OPCML: variants seen among roughly 807,000 people sequenced by gnomAD.
OPCML encodes opioid binding protein/cell adhesion molecule like, also known as opioid-binding protein/cell adhesion molecule.
A neutral mutation model predicts 37.8 loss-of-function variants in OPCML; 13 were observed. The ratio of observed to expected loss-of-function variants is 0.34; its 90% CI spans 0.22 to 0.55. OPCML has a LOEUF of 0.55. Ranked by LOEUF, OPCML falls within the 20% of genes least tolerant of loss-of-function variation. The pLI is 0.91. For missense variants in OPCML, 341 were observed against 435.6 expected, an observed-to-expected ratio of 0.78 and a Z score of 1.93; for synonymous variants, 176 against 168.8, an observed-to-expected ratio of 1.04 and a Z score of -0.33.
At chr11:132,530,456 G>T (rs1405690886) in intron 3 of OPCML, among the ~76,000 whole-genome samples, 1 of 151,598 alleles carries the variant, frequency 6.6e-6, no homozygotes, top group African/African-American at 2.4e-5. Flanking sequence ...TTCCATTTTG[G>T]GGTCCCTCCA....
intron 1 of OPCML, among the ~76,000 whole-genome samples, chr11:133,390,468 AAACAACAAC>A (rs377064190): frequency 2.0e-5 from 3 of 151,802 alleles, no homozygotes; most frequent in Non-Finnish European, 4.4e-5. Flanking sequence ...ATCTCAACAA[AAACAACAAC>A]AACGACAACA....
At chr11:132,836,465 G>T (rs755323899) in intron 2 of OPCML, among the ~76,000 whole-genome samples, 1 of 152,094 alleles carries the variant, frequency 6.6e-6, no homozygotes, top group Admixed American at 6.5e-5. Flanking sequence ...TATATGATAT[G>T]TGCATATGAG....
At chr11:133,015,768 C>G (rs1422471416) in intron 1 of OPCML, among the ~76,000 whole-genome samples, 3 of 152,156 alleles carry the variant, frequency 2.0e-5, no homozygotes, top group Admixed American at 6.5e-5. Flanking sequence ...CCAGCTGCAA[C>G]TGATCTTGGC....
chr11:133,514,305 T>C (rs1245579537), intron 1 of OPCML, among the ~76,000 whole-genome samples: 1 of 152,226 alleles, frequency 6.6e-6, no homozygotes, highest in African/African-American at 2.4e-5. Context: ...TCCCTAGTTT[T>C]GGAGCTTTGG....
chr11:132,485,272 T>C (rs1258791505), intron 4 of OPCML, among the ~76,000 whole-genome samples: 2 of 152,128 alleles, frequency 1.3e-5, no homozygotes, highest in South Asian at 2.1e-4. Context: ...AAATAAGTGT[T>C]TATGACAGTC....
intron 1 of OPCML, chr11:133,422,243 G>A (rs1201048537): frequency 7.5e-5 from 74 of 984,632 alleles, no homozygotes; most frequent in Non-Finnish European, 8.8e-5. Context: ...CCTGTACCAG[G>A]GATCTGAGTT....
chr11:133,180,040 C>T (rs1176620134), intron 1 of OPCML, among the ~76,000 whole-genome samples: 1 of 152,146 alleles, frequency 6.6e-6, no homozygotes, highest in Non-Finnish European at 1.5e-5. Flanking sequence ...TGGTCCCTGA[C>T]CCTGCTTAAG....
chr11:132,628,757 GA>G (rs935657909), intron 3 of OPCML, among the ~76,000 whole-genome samples: 4 of 152,152 alleles, frequency 2.6e-5, no homozygotes, highest in African/African-American at 4.8e-5. Context: ...GTAATTGAAT[GA>G]GGGGGGGCAG....
At chr11:133,328,018 C>T (rs1241005452) in intron 1 of OPCML, among the ~76,000 whole-genome samples, 1 of 152,182 alleles carries the variant, frequency 6.6e-6, no homozygotes, top group Non-Finnish European at 1.5e-5. Context: ...TTCTTAACTC[C>T]TATGCTTACT....
chr11:133,421,837 C>T lies in OPCML; in HGVS notation c.61+110427G>A, dbSNP rs148076380. On this transcript the variant is annotated intron_variant, in intron 1 of 7. Coordinates refer to ENST00000524381, the MANE Select transcript of OPCML (RefSeq NM_001012393.5). ...CAGGCACCACAGAGCAGAAACAAGC[C>T]ATCCCTACTGTAACCTCTCGGAATT... is the stretch of plus-strand genomic sequence containing the variant. 35 of 891,176 alleles carry T rather than the reference C, an allele frequency of 3.9e-5. No homozygotes were observed. In the African/African-American group the frequency reaches 6.1e-4, roughly 16 times the overall value. 55.2% of individuals were successfully genotyped at this position (891,176 alleles called of 1,614,324 possible). A position where few individuals can be genotyped will look rare whatever the true frequency, so the allele number is the denominator to read the frequency against.
intron 3 of OPCML, among the ~76,000 whole-genome samples, chr11:132,569,661 C>T (rs2096432721): frequency 6.6e-6 from 1 of 152,146 alleles, no homozygotes; most frequent in Middle Eastern, 3.4e-3. Context: ...TCAATATAGT[C>T]CTAGACGTAA....
chr11:133,438,631 G>A (rs917016931), intron 1 of OPCML, among the ~76,000 whole-genome samples: 1 of 152,180 alleles, frequency 6.6e-6, no homozygotes, highest in Non-Finnish European at 1.5e-5. Context: ...TTTCTGATAG[G>A]AGTGATGAGT....
At chr11:132,486,476 G>T (rs1037147611) in intron 4 of OPCML, among the ~76,000 whole-genome samples, 2 of 151,436 alleles carry the variant, frequency 1.3e-5, no homozygotes, top group African/African-American at 4.9e-5. Context: ...AATCTTTTTA[G>T]AAAATGATTC....
rs182231740 is a variant in OPCML at position 132,766,334 on chromosome 11, T to C, written c.147-109015A>G. Among the ~76,000 whole-genome samples, 13 of 152,220 alleles carry C rather than the reference T, an allele frequency of 8.5e-5. No individual in the cohort carries two copies. In the East Asian group the frequency reaches 2.5e-3, roughly 29 times the overall value. ...TCTTTCCAGCAATTACTTACTAATC[T>C]CAGAAAAATGGTAACATTAAAGTGG... On this transcript the variant is annotated intron_variant, in intron 2 of 7. Transcript: ENST00000524381.
At chr11:132,937,596 GTGT>G (rs1201781011) in intron 2 of OPCML, among the ~76,000 whole-genome samples, 86 of 85,682 alleles carry the variant, frequency 1.0e-3, no homozygotes, top group Middle Eastern at 5.7e-3. Context: ...CGTGTGTGGG[GTGT>G]GTGTGTGTGT....
intron 4 of OPCML, among the ~76,000 whole-genome samples, chr11:132,445,437 A>G (rs2096051722): frequency 6.6e-6 from 1 of 152,012 alleles, no homozygotes; most frequent in African/African-American, 2.4e-5. Flanking sequence ...GGGCTCTTGA[A>G]CTCTTTACCG....
chr11:133,149,414 T>C (rs1333414049), intron 1 of OPCML, among the ~76,000 whole-genome samples: 1 of 152,164 alleles, frequency 6.6e-6, no homozygotes, highest in Non-Finnish European at 1.5e-5. Flanking sequence ...TTTAAGCCAG[T>C]AAAAGGAGAG....
At chr11:133,122,853 T>C (rs1399989717) in intron 1 of OPCML, among the ~76,000 whole-genome samples, 3 of 152,226 alleles carry the variant, frequency 2.0e-5, no homozygotes, top group Non-Finnish European at 4.4e-5. Flanking sequence ...TCGCTGACAC[T>C]GCTATGGCAT....
intron 4 of OPCML, among the ~76,000 whole-genome samples, chr11:132,511,556 A>G (rs2096268901): frequency 6.6e-6 from 1 of 152,120 alleles, no homozygotes; most frequent in Non-Finnish European, 1.5e-5. Context: ...CAGGCATAAG[A>G]ATAGACATAT....
Sources: gnomAD v4.1 joint callset for allele counts (sites outside exome capture counted in the v4.1 genomes callset) on GRCh38, gnomAD v4.1.1 for gene constraint, MANE v1.5 for transcripts, NCBI Gene and HGNC (gene_info 2026-07-23, HGNC 2026-07-21) for gene names.